HDAC9: variants seen among roughly 807,000 people sequenced by gnomAD.
HDAC9 encodes the protein histone deacetylase 9, also known as MEF-2 interacting transcription repressor (MITR) protein.
A neutral mutation model predicts 139.4 loss-of-function variants in HDAC9; 41 were observed. That is an observed-to-expected ratio of 0.29 (90% CI 0.23 to 0.38). The LOEUF is 0.38. Ranked by LOEUF, HDAC9 falls within the 10% of genes least tolerant of loss-of-function variation. HDAC9 has a pLI of 1.00. For synonymous variants in HDAC9, 517 were observed against 476.2 expected, an observed-to-expected ratio of 1.09 and a Z score of -1.12; for missense variants, 1,147 against 1,297.0, an observed-to-expected ratio of 0.88 and a Z score of 1.78.
intron 1 of HDAC9, among the ~76,000 whole-genome samples, chr7:18,469,622 A>G (rs1794574872): frequency 6.6e-6 from 1 of 152,222 alleles, no homozygotes; most frequent in African/African-American, 2.4e-5. Context: ...TCCCACAAAT[A>G]GGACCTCATG....
At chr7:18,906,946 G>C (rs1011732427) in intron 22 of HDAC9, 2 of 152,240 alleles carry the variant, frequency 1.3e-5, no homozygotes, top group African/African-American at 4.8e-5. Flanking sequence ...AGAAACTCCT[G>C]TGCTGGAGGT....
chr7:18,454,978 A>T (rs1279070615), intron 1 of HDAC9, among the ~76,000 whole-genome samples: 1 of 152,104 alleles, frequency 6.6e-6, no homozygotes, highest in African/African-American at 2.4e-5. Context: ...ATCTTAACTG[A>T]TTTCTAATAA....
rs1784517145 is a variant in HDAC9 at position 18,975,892 on chromosome 7, G to C, written c.3109G>C (p.Val1037Leu). 1 of 1,613,874 alleles carries C rather than the reference G, an allele frequency of 6.2e-7. No homozygotes were observed. Among genetic ancestry groups the C allele is most frequent in the African/African-American group, 1.3e-5 (1 of 75,042 alleles). The change falls in exon 25 of 26, where the codon GTT (valine) becomes CTT (leucine). Residue 1037 changes from valine to leucine, a missense_variant. By Grantham distance (32) the Val-to-Leu change is conservative (BLOSUM62 1). Around this residue, in one of 7 missense-constraint regions of HDAC9, gnomAD observed 407 missense variants for 521.5 expected, o/e 0.78. Transcript: ENST00000686413. ...TCAGTTGCAAGAGGAGACAGAGACC[G>C]TTTCTGCCCTGGCCTCCCTAACAGT... is the stretch of plus-strand genomic sequence containing the variant. ...GAQLQEETETVSALASLTVDV... is the reference protein window; with the variant it reads ...GAQLQEETETLSALASLTVDV...
At position 18,871,624 on chromosome 7, in the gene HDAC9, T is replaced by C. The variant is rs185970543; in HGVS notation, c.2685-2854T>C. On this transcript the variant is annotated intron_variant, in intron 21 of 25. Transcript: ENST00000686413. ...CTAACTTTAATCAGAAATCCCAATT[T>C]TTCAGATAAAATTTTAAATCAGTGC... 7.2e-5 allele frequency among the ~76,000 whole-genome samples: 11 copies of C among 152,308 alleles called. No homozygotes were observed. The East Asian group carries it at 2.1e-3, about 29-fold the overall frequency.
intron 6 of HDAC9, among the ~76,000 whole-genome samples, chr7:18,609,565 A>G (rs1034183202): frequency 6.6e-6 from 1 of 152,178 alleles, no homozygotes; most frequent in Non-Finnish European, 1.5e-5. Flanking sequence ...TCTAAGTCAC[A>G]TCACCTAAAG....
chr7:18,098,925 C>A (rs1312829031), intron 1 of HDAC9, among the ~76,000 whole-genome samples: 1 of 152,130 alleles, frequency 6.6e-6, no homozygotes, highest in Non-Finnish European at 1.5e-5. Flanking sequence ...GCTTTGTTAT[C>A]TTCTTTCCCA....
chr7:18,406,746 T>TGC (rs1788047828), intron 1 of HDAC9, among the ~76,000 whole-genome samples: 2 of 152,206 alleles, frequency 1.3e-5, no homozygotes, highest in African/African-American at 4.8e-5. Context: ...CTAATTTTGG[T>TGC]CTAGTAACTA....
At chr7:18,562,104 A>G (rs544442067) in intron 2 of HDAC9, among the ~76,000 whole-genome samples, 25 of 152,294 alleles carry the variant, frequency 1.6e-4, no homozygotes, top group African/African-American at 6.0e-4. Flanking sequence ...GTGATTTTCA[A>G]GGACTTATTG....
At chr7:18,189,920 G>GT (rs1219369517) in intron 2 of HDAC9, among the ~76,000 whole-genome samples, 16 of 145,156 alleles carry the variant, frequency 1.1e-4, no homozygotes, top group African/African-American at 2.3e-4. Context: ...ACTTGTGTGT[G>GT]GTGTGTGTGT....
At chr7:18,676,992 TATA>T (rs1271128257) in intron 12 of HDAC9, among the ~76,000 whole-genome samples, 3 of 151,942 alleles carry the variant, frequency 2.0e-5, no homozygotes, top group Admixed American at 6.6e-5. Flanking sequence ...CTTTTTGAAC[TATA>T]ATATCCATAC....
intron 22 of HDAC9, among the ~76,000 whole-genome samples, chr7:18,893,162 C>A (rs1800847746): frequency 6.6e-6 from 1 of 151,540 alleles, no homozygotes; most frequent in South Asian, 2.1e-4. Flanking sequence ...ACGTTCTTTT[C>A]ATATTGATGG....
intron 21 of HDAC9, among the ~76,000 whole-genome samples, chr7:18,845,329 A>G (rs954642540): frequency 6.6e-6 from 1 of 152,204 alleles, no homozygotes; most frequent in African/African-American, 2.4e-5. Context: ...GTCTCTAAAC[A>G]TACTTTAGAA....
rs750741147 is a variant in HDAC9, at chr7:18,634,777, T to C, written c.912+35T>C. The C allele has an allele frequency of 4.5e-6, 6 of 1,323,032 alleles. No homozygotes were observed. The South Asian group carries it at 6.3e-5, about 14-fold the overall frequency. The allele number at this position is 1,323,032 out of a possible 1,614,324, so 82.0% of individuals were successfully genotyped here. The stretch of plus-strand genomic sequence containing the variant: ...TTATTATTTTGTTTCTTTTAAAAAC[T>C]GAATTTCTGATTAGCTACCTAATAC... On this transcript the variant is annotated intron_variant, in intron 8 of 25. Coordinates refer to ENST00000686413, the MANE Select transcript of HDAC9 (RefSeq NM_178425.4).
chr7:18,846,348 G>A (rs1796903145), intron 21 of HDAC9, among the ~76,000 whole-genome samples: 1 of 152,092 alleles, frequency 6.6e-6, no homozygotes, highest in Non-Finnish European at 1.5e-5. Context: ...TTGTGACTGG[G>A]ACCCACCCTC....
intron 24 of HDAC9, among the ~76,000 whole-genome samples, chr7:18,973,839 G>A (rs939847217): frequency 6.6e-6 from 1 of 152,182 alleles, no homozygotes; most frequent in East Asian, 1.9e-4. Context: ...TTGCCAAGAT[G>A]TGAAATTGGT....
intron 1 of HDAC9, among the ~76,000 whole-genome samples, chr7:18,470,913 C>G (rs1794674904): frequency 6.6e-6 from 1 of 151,798 alleles, no homozygotes. Context: ...AGTTTGTGAA[C>G]TTTCATTTTA....
intron 2 of HDAC9, chr7:18,509,324 G>A (rs1407169266): frequency 1.1e-5 from 11 of 985,328 alleles, no homozygotes; most frequent in Middle Eastern, 5.2e-4. Context: ...TTATCAATGG[G>A]TAGGTGGGAG....
chr7:18,933,528 A>G (rs1340541076), intron 22 of HDAC9, among the ~76,000 whole-genome samples: 1 of 151,590 alleles, frequency 6.6e-6, no homozygotes, highest in African/African-American at 2.4e-5. Context: ...CCATATATAA[A>G]TTTTGGGGTG....
chr7:18,937,457 T>C (rs1164362605), intron 23 of HDAC9, among the ~76,000 whole-genome samples: 1 of 152,206 alleles, frequency 6.6e-6, no homozygotes, highest in Non-Finnish European at 1.5e-5. Context: ...TTTTCTAAAA[T>C]GTTAGTGTCT....
Sources: allele counts gnomAD v4.1 joint callset (sites outside exome capture counted in the v4.1 genomes callset), GRCh38; gene constraint gnomAD v4.1.1; regional missense constraint gnomAD v4.1.1; transcripts MANE v1.5; gene names NCBI Gene and HGNC (gene_info 2026-07-23, HGNC 2026-07-21).